PAPLN: variants seen among roughly 807,000 people sequenced by gnomAD.
PAPLN encodes papilin, proteoglycan like sulfated glycoprotein.
In PAPLN, 146 loss-of-function variants were observed where a neutral mutation model predicts 159.0. The observed-to-expected ratio is 0.92, with a 90% CI of 0.80 to 1.05. The LOEUF (loss-of-function observed/expected upper bound fraction) is 1.05. Ranked by LOEUF, PAPLN falls within the 50% of genes least tolerant of loss-of-function variation. The pLI, the probability that PAPLN is intolerant of heterozygous loss-of-function variation, is 0.00. For synonymous variants in PAPLN, 734 were observed against 702.9 expected (o/e 1.04, Z -0.70); for missense variants, 1,720 against 1,743.9 (o/e 0.99, Z 0.24).
At chr14:73,251,342 G>A in intron 7 of PAPLN, 144 bp from the exon 8 acceptor site, 3 of 960,622 alleles carry the variant, frequency 3.1e-6, no homozygotes, top group Admixed American at 5.0e-5. Context: ...TGCCAGGGTT[G>A]CCTTTCCCAG....
At position 73,266,780 on chromosome 14, in the gene PAPLN, C is replaced by T. The variant is rs544778621; in HGVS notation, c.3449C>T (p.Ala1150Val). 5.6e-5 allele frequency: 91 copies of T among 1,613,930 alleles called. 1 individual carries two copies. In the South Asian group the frequency reaches 9.9e-4, roughly 18 times the overall value. ...PTVTVPEGDT[A>V]RLLCVVAGES... ...GTGACAGTGCCAGAGGGTGATACGG[C>T]CAGGCTATTGTGTGTGGTAGCAGGA... The change falls in exon 25 of 27, where the codon GCC becomes GTC. Residue 1150 changes from alanine to valine, a missense_variant. Ala to Val is a moderately conservative substitution (Grantham distance 64). Coordinates refer to ENST00000644200, the MANE Select transcript of PAPLN (RefSeq NM_001365906.3).
chr14:73,235,857 A>G (rs992944325), upstream of PAPLN, among the ~76,000 whole-genome samples: 1 of 152,208 alleles, frequency 6.6e-6, no homozygotes. Context: ...GTCTTCATTG[A>G]TAGGTAAGAA....
intron 11 of PAPLN, 56 bp from the exon 12 acceptor site, chr14:73,253,698 G>C: frequency 1.3e-6 from 2 of 1,484,784 alleles, no homozygotes; most frequent in Non-Finnish European, 1.8e-6. Flanking sequence ...AACCCTCAGG[G>C]CTGGGTTTCT....
Position 73,265,465 on chromosome 14 carries a change from C to G in PAPLN, c.3221C>G (p.Ala1074Gly), listed in dbSNP as rs1349468176. Residue 1074 changes from alanine to glycine, a missense_variant, in exon 23 of 27, where the codon GCC becomes GGC. By Grantham distance (60) the Ala-to-Gly change is moderately conservative. Transcript: ENST00000644200. The surrounding 1 kb of genome is among the most constrained non-coding windows in gnomAD (Gnocchi z 4.1). ...TCRAEGFPPP[A>G]IEWQRDGQPV... Reference sequence around the variant, plus strand: ...CGTGCCGAAGGCTTCCCGCCCCCAGCCATCGAGTGGCAGAGAGATGGGCAG... The same window carrying G: ...CGTGCCGAAGGCTTCCCGCCCCCAGGCATCGAGTGGCAGAGAGATGGGCAG... The G allele has an allele frequency of 6.2e-7, 1 of 1,613,748 alleles. No homozygotes were observed. The highest frequency in any genetic ancestry group is 1.7e-5 in the Admixed American group (1 of 60,004).
rs771639476 is a variant in PAPLN at position 73,262,602 on chromosome 14, C to T, written c.2498C>T (p.Ala833Val). The T allele has an allele frequency of 5.2e-6, 8 of 1,553,176 alleles. No individual in the cohort carries two copies. Among genetic ancestry groups the T allele is most frequent in the Middle Eastern group, 3.4e-4 (2 of 5,950 alleles). ...THTDGGGSSP[A>V]GEQEPSQHRT... The stretch of plus-strand genomic sequence containing the variant: ...ACGGATGGTGGCGGCAGCAGTCCTG[C>T]AGGCGAGCAGGAACCCAGCCAGCAC... Residue 833 changes from alanine to valine, a missense_variant, in exon 19 of 27, where the codon GCA becomes GTA. By Grantham distance (64) the Ala-to-Val change is moderately conservative. Coordinates refer to ENST00000644200, the MANE Select transcript of PAPLN (RefSeq NM_001365906.3).
Position 73,259,563 on chromosome 14 carries a change from G to A in PAPLN, c.1985+18G>A, listed in dbSNP as rs369577092. The A allele has an allele frequency of 6.7e-7, 1 of 1,500,730 alleles. No individual in the cohort carries two copies. The allele number at this position is 1,500,730 out of a possible 1,614,324, so 93.0% of individuals were successfully genotyped here. A position where few individuals can be genotyped will look rare whatever the true frequency, so the allele number is the denominator to read the frequency against. ...CAGAGCAGGTGGGTGCTGGAGACAGGTCTTCCTCCTCCCCCGTCAAAGAGG... is the reference window on the plus strand; with the variant it reads ...CAGAGCAGGTGGGTGCTGGAGACAGATCTTCCTCCTCCCCCGTCAAAGAGG... On this transcript the variant is annotated intron_variant, in intron 16 of 26. Transcript: ENST00000644200.
chr14:73,241,365 G>A (rs547367477), intron 2 of PAPLN, among the ~76,000 whole-genome samples: 5 of 152,332 alleles, frequency 3.3e-5, no homozygotes, highest in Admixed American at 6.5e-5. Context: ...CGAGGACAGC[G>A]TCCAGGCCCC....
chr14:73,260,784 TGA>T lies in PAPLN; in HGVS notation c.2062_2063del (p.Asp688GlnfsTer27). 6.7e-7 allele frequency: 1 copy of T among 1,493,282 alleles called. No homozygotes were observed. Among genetic ancestry groups the T allele is most frequent in the Non-Finnish European group, 8.9e-7 (1 of 1,124,110 alleles). The allele number at this position is 1,493,282 out of a possible 1,614,324, so 92.5% of individuals were successfully genotyped here. ...HAGCTKSYGG[D>X]STGGMPRSRA... ...CTGGCTGCACAAAGTCGTATGGTGGTGACAGCACCGGGGGCATGCCCAGGTCA... is the reference window on the plus strand; with the variant it reads ...CTGGCTGCACAAAGTCGTATGGTGGTCAGCACCGGGGGCATGCCCAGGTCA... On this transcript the variant is annotated frameshift_variant, in exon 17 of 27. Transcript: ENST00000644200. LOFTEE classifies it high-confidence loss of function.
intron 18 of PAPLN, 61 bp from the exon 19 acceptor site, chr14:73,262,289 T>TG: frequency 1.4e-6 from 2 of 1,476,922 alleles, no homozygotes; most frequent in South Asian, 2.5e-5. Flanking sequence ...GCTGAGAGGA[T>TG]GGAGGGTGCA....
At position 73,246,600 on chromosome 14, in the gene PAPLN, CTTCCT is replaced by C. The variant is rs1273687955; in HGVS notation, c.334+438_334+442del. ...CTCTCTCGCTTGCTCTTTTTTCTCT[CTTCCT>C]TTCCTTTCCTTTTTTTCTTTTCCTT... is the stretch of plus-strand genomic sequence containing the variant. On this transcript the variant is annotated intron_variant, in intron 5 of 26. Transcript: ENST00000644200. Among the ~76,000 whole-genome samples the C allele has an allele frequency of 6.1e-5, 9 of 148,396 alleles. No individual in the cohort carries two copies. In the East Asian group the frequency reaches 1.4e-3, roughly 23 times the overall value.
rs1366990576 is a variant in PAPLN, at chr14:73,260,271, C to T, written c.1986-438C>T. ...AGAGAGGGCGCCGGGCACCCTCCCT[C>T]CTTTCACCTTGCCTCGTGGCACCTG... is the stretch of plus-strand genomic sequence containing the variant. On this transcript the variant is annotated intron_variant, in intron 16 of 26. Coordinates refer to ENST00000644200, the MANE Select transcript of PAPLN (RefSeq NM_001365906.3). Among the ~76,000 whole-genome samples, 3 of 152,274 alleles carry T rather than the reference C, an allele frequency of 2.0e-5. No individual in the cohort carries two copies. In the East Asian group the frequency reaches 5.8e-4, roughly 29 times the overall value.
chr14:73,265,637 G>A lies in PAPLN; in HGVS notation c.3263+130G>A. ...CCTGAGCCGGACTCCAGGGCCTCTT[G>A]AGAGATGGAGCAGCTGGGCAAAGGG... On this transcript the variant is annotated intron_variant, in intron 23 of 26. Coordinates refer to ENST00000644200, the MANE Select transcript of PAPLN (RefSeq NM_001365906.3). This position sits in a 1 kb window ranked among gnomAD's most constrained non-coding sequence, Gnocchi z 4.1. The A allele has an allele frequency of 7.4e-7, 1 of 1,353,476 alleles. No individual in the cohort carries two copies. Among genetic ancestry groups the A allele is most frequent in the South Asian group, 1.4e-5 (1 of 69,440 alleles). The allele number at this position is 1,353,476 out of a possible 1,614,324, so 83.8% of individuals were successfully genotyped here. A position where few individuals can be genotyped will look rare whatever the true frequency, so the allele number is the denominator to read the frequency against.
chr14:73,262,856 G>T (rs1171851340), intron 19 of PAPLN, 29 bp downstream of exon 19: 18 of 1,430,824 alleles, frequency 1.3e-5, no homozygotes, highest in Non-Finnish European at 1.7e-5. Flanking sequence ...AGGTGAGGGG[G>T]TTAGGACGCC....
At chr14:73,239,938 A>C in intron 2 of PAPLN, 106 bp downstream of exon 2, 1 of 1,451,660 alleles carries the variant, frequency 6.9e-7, no homozygotes, top group Non-Finnish European at 9.0e-7. Flanking sequence ...GATGTCAGGG[A>C]AGCTGGGCTG....
At position 73,263,656 on chromosome 14, in the gene PAPLN, C is replaced by T. The variant is rs992335414; in HGVS notation, c.2735C>T (p.Ala912Val). The T allele has an allele frequency of 3.1e-6, 5 of 1,613,684 alleles. No homozygotes were observed. In the Admixed American group the frequency reaches 6.7e-5, roughly 22 times the overall value. ...FHSSSYRISL[A>V]GVEPSLVQAA... ...TCCCACCTCTCCAGGATTAGCTTGGCAGGTGTGGAGCCCTCGTTGGTGCAG... is the reference window on the plus strand; with the variant it reads ...TCCCACCTCTCCAGGATTAGCTTGGTAGGTGTGGAGCCCTCGTTGGTGCAG... The change falls in exon 20 of 27, where the codon GCA becomes GTA. Residue 912 changes from alanine (A) to valine (V), a missense_variant. Physicochemically the swap from Ala to Val is moderately conservative, Grantham distance 64. Coordinates refer to ENST00000644200, the MANE Select transcript of PAPLN (RefSeq NM_001365906.3).
intron 6 of PAPLN, 137 bp from the exon 7 acceptor site, chr14:73,250,770 C>G (rs904944626): frequency 6.3e-6 from 7 of 1,109,368 alleles, no homozygotes; most frequent in Non-Finnish European, 8.4e-6. Flanking sequence ...GGCCAGTCCC[C>G]TGGCTGGTGG....
In PAPLN at chr14:73,249,997, T is replaced by C; in HGVS notation, c.348T>C (p.Cys116=). ...TGCCCACCCCAGCCCCAAACAAGTG[T>C]GAACTGAACTGCATTCCCAAGGGGG... ...WLPYYSAPNK[C]ELNCIPKGEN... Residue 116 remains cysteine, a synonymous_variant, in exon 6 of 27, where the codon TGT becomes TGC. Coordinates refer to ENST00000644200, the MANE Select transcript of PAPLN (RefSeq NM_001365906.3). 6.2e-7 allele frequency: 1 copy of C among 1,609,068 alleles called. No homozygotes were observed. The highest frequency in any genetic ancestry group is 1.1e-5 in the South Asian group (1 of 90,156).
Position 73,259,052 on chromosome 14 carries a change from T to C in PAPLN, c.1701T>C (p.Pro567=), listed in dbSNP as rs777549612. ...PWMPLGPQES[P]ASDSRGQWWA... ...TGCCGTTGGGCCCTCAGGAGTCCCC[T>C]GCCTCAGGTGAGAGCCTGGTCCCGT... is the stretch of plus-strand genomic sequence containing the variant. The change falls in exon 15 of 27, where the codon CCT becomes CCC. Residue 567 remains proline (P), a synonymous_variant. Coordinates refer to ENST00000644200, the MANE Select transcript of PAPLN (RefSeq NM_001365906.3). 1 of 1,610,734 alleles carries C rather than the reference T, an allele frequency of 6.2e-7. No individual in the cohort carries two copies. The highest frequency in any genetic ancestry group is 8.5e-7 in the Non-Finnish European group (1 of 1,178,482).
chr14:73,261,542 A>G (rs1222631911), intron 18 of PAPLN, among the ~76,000 whole-genome samples: 1 of 152,102 alleles, frequency 6.6e-6, no homozygotes, highest in African/African-American at 2.4e-5. Flanking sequence ...GGGGATCCCA[A>G]GGGCCTGGGA....
Sources: allele counts gnomAD v4.1 joint callset (sites outside exome capture counted in the v4.1 genomes callset), GRCh38; gene constraint gnomAD v4.1.1; non-coding constraint Gnocchi (gnomAD v3.1); transcripts MANE v1.5; gene names NCBI Gene and HGNC (gene_info 2026-07-23, HGNC 2026-07-21).